The following USP12 variants were observed in gnomAD, a reference collection of about 807,000 sequenced individuals.
USP12 encodes the protein ubiquitin specific peptidase 12.
USP12 carries 19 observed loss-of-function variants against 45.5 expected under a neutral mutation model. The observed-to-expected ratio is 0.42, with a 90% CI of 0.29 to 0.61. The LOEUF is 0.61. USP12 is among the 20% of genes least tolerant of loss of function. The probability of loss-of-function intolerance (pLI) is 0.22; values close to 1 mark genes in which losing one functional copy is unlikely to be tolerated. For synonymous variants in USP12, 149 were observed against 148.8 expected (o/e 1.00, Z -0.01); for missense variants, 242 against 447.7 (o/e 0.54, Z 4.15).
chr13:27,069,482 A>C (rs1873139740), intron 8 of USP12, 98 bp from the exon 9 acceptor site: 5 of 924,624 alleles, frequency 5.4e-6, no homozygotes, highest in Non-Finnish European at 8.6e-6. Context: ...TTTGGTGAAA[A>C]TGTGGGGAAA....
chr13:27,107,209 C>T (rs117634073), intron 2 of USP12, among the ~76,000 whole-genome samples: 3,632 of 152,166 alleles, frequency 0.024, 51 homozygotes, highest in Admixed American at 0.046. Flanking sequence ...CCTGTGATTC[C>T]AACTACTCAG....
At chr13:27,103,763 G>A (rs867380237) in intron 3 of USP12, among the ~76,000 whole-genome samples, 23 of 122,818 alleles carry the variant, frequency 1.9e-4, no homozygotes, top group Admixed American at 4.4e-4. Context: ...AAAAAAAAAA[G>A]AGAGAGAGAC....
At chr13:27,116,671 G>A (rs944053988) in intron 1 of USP12, 75 bp from the exon 2 acceptor site, 1 of 1,390,004 alleles carries the variant, frequency 7.2e-7, no homozygotes. Flanking sequence ...GTCAATGACA[G>A]GCCGCAACAT....
chr13:27,073,213 G>A (rs1175520722), intron 7 of USP12, among the ~76,000 whole-genome samples: 12 of 152,118 alleles, frequency 7.9e-5, no homozygotes, highest in African/African-American at 2.9e-4. Flanking sequence ...TAAGACCCTG[G>A]GGTGGGGGCG....
At chr13:27,122,464 C>T (rs553926365) in intron 1 of USP12, among the ~76,000 whole-genome samples, 38 of 151,454 alleles carry the variant, frequency 2.5e-4, no homozygotes, top group African/African-American at 6.3e-4. Context: ...AGTGTGGAAA[C>T]GGACTAATAC....
intron 7 of USP12, among the ~76,000 whole-genome samples, chr13:27,073,506 A>G (rs67692913): frequency 0.087 from 13,224 of 152,160 alleles, 667 homozygotes; most frequent in Middle Eastern, 0.11. Context: ...CTGGGGAAAG[A>G]GTTGGGTTAA....
chr13:27,114,402 C>T (rs572931431), intron 2 of USP12, among the ~76,000 whole-genome samples: 19 of 152,306 alleles, frequency 1.2e-4, no homozygotes, highest in African/African-American at 4.6e-4. Context: ...GACTATCTAA[C>T]AGCTGGCCTG....
At chr13:27,104,544 A>G (rs1296921545) in intron 3 of USP12, among the ~76,000 whole-genome samples, 2 of 152,242 alleles carry the variant, frequency 1.3e-5, no homozygotes, top group Non-Finnish European at 2.9e-5. Flanking sequence ...ATAATCTAAT[A>G]AAGTACATAC....
At chr13:27,164,595 T>A (rs1404109360) in intron 1 of USP12, among the ~76,000 whole-genome samples, 2 of 152,208 alleles carry the variant, frequency 1.3e-5, no homozygotes, top group Non-Finnish European at 2.9e-5. Context: ...TAGTTTTTCT[T>A]CCTAAATAAA....
intron 1 of USP12, among the ~76,000 whole-genome samples, chr13:27,130,804 T>G (rs926804177): frequency 6.6e-5 from 10 of 152,202 alleles, no homozygotes; most frequent in African/African-American, 2.4e-4. Context: ...GAACCATTTC[T>G]GCAGGGATCA....
Position 27,113,170 on chromosome 13 carries a change from GCTGCAGTGAGCCAGGGAGGCGAAA to G in USP12, c.129+3322_129+3345del, listed in dbSNP as rs754887132. Among the ~76,000 whole-genome samples the G allele has an allele frequency of 3.8e-3, 577 of 152,252 alleles. 5 individuals are homozygous for G. Among genetic ancestry groups the G allele is most frequent in the African/African-American group, 0.013 (522 of 41,554 alleles). On this transcript the variant is annotated intron_variant, in intron 2 of 8. Coordinates refer to ENST00000282344, the MANE Select transcript of USP12 (RefSeq NM_182488.4). Reference sequence around the variant, plus strand: ...GGACGGCTTGAGCCAAGAAGGTGAAGCTGCAGTGAGCCAGGGAGGCGAAACTGCAGTGAGCCATGATCACTCACT... The same window carrying G: ...GGACGGCTTGAGCCAAGAAGGTGAAGCTGCAGTGAGCCATGATCACTCACT...
intron 1 of USP12, among the ~76,000 whole-genome samples, chr13:27,139,466 A>G (rs1486842251): frequency 6.6e-6 from 1 of 152,132 alleles, no homozygotes; most frequent in Non-Finnish European, 1.5e-5. Flanking sequence ...AAATACAAAA[A>G]TCAGCTGGGC....
chr13:27,109,925 A>G (rs1221594883), intron 2 of USP12, among the ~76,000 whole-genome samples: 1 of 150,790 alleles, frequency 6.6e-6, no homozygotes, highest in African/African-American at 2.4e-5. Context: ...AAAAAAAAAA[A>G]AGTCATCTTT....
At chr13:27,070,350 C>T (rs1310357055) in intron 8 of USP12, among the ~76,000 whole-genome samples, 1 of 151,830 alleles carries the variant, frequency 6.6e-6, no homozygotes, top group Non-Finnish European at 1.5e-5. Flanking sequence ...GGGCCTGCTG[C>T]GGTGTTGAAA....
intron 6 of USP12, among the ~76,000 whole-genome samples, chr13:27,075,975 A>G (rs2137755233): frequency 6.8e-6 from 1 of 146,784 alleles, no homozygotes; most frequent in East Asian, 2.1e-4. Context: ...GGTTGCAGTG[A>G]GCTGAGATCA....
At chr13:27,154,570 TA>T (rs1406480464) in intron 1 of USP12, among the ~76,000 whole-genome samples, 5 of 152,152 alleles carry the variant, frequency 3.3e-5, no homozygotes, top group Non-Finnish European at 7.3e-5. Context: ...TTCTTTCCAA[TA>T]TTTCACCATA....
At chr13:27,155,867 G>C (rs1462951100) in intron 1 of USP12, among the ~76,000 whole-genome samples, 1 of 152,112 alleles carries the variant, frequency 6.6e-6, no homozygotes, top group South Asian at 2.1e-4. Context: ...ATGACTTTCG[G>C]AATACAACTA....
At chr13:27,111,352 A>T (rs1242252329) in intron 2 of USP12, among the ~76,000 whole-genome samples, 1 of 152,092 alleles carries the variant, frequency 6.6e-6, no homozygotes, top group Non-Finnish European at 1.5e-5. Context: ...TTCTGGGATG[A>T]TTTTCTCTAT....
chr13:27,163,311 C>T (rs1397553061), intron 1 of USP12, among the ~76,000 whole-genome samples: 1 of 152,132 alleles, frequency 6.6e-6, no homozygotes, highest in South Asian at 2.1e-4. Context: ...TTACTGTTCA[C>T]AAGACCCGCT....
Sources: gnomAD v4.1 joint callset for allele counts (sites outside exome capture counted in the v4.1 genomes callset) on GRCh38, gnomAD v4.1.1 for gene constraint, MANE v1.5 for transcripts, NCBI Gene and HGNC (gene_info 2026-07-23, HGNC 2026-07-21) for gene names.